Variants in STAG1 observed in about 807,000 individuals in gnomAD.
STAG1 encodes cohesin subunit SA-1.
A neutral mutation model predicts 170.9 loss-of-function variants in STAG1; 26 were observed. The ratio of observed to expected loss-of-function variants is 0.15; its 90% confidence interval spans 0.11 to 0.21. The LOEUF is 0.21. Among genes scored for constraint, STAG1 ranks in the 10% least tolerant of loss-of-function variants. The pLI is 1.00. For synonymous variants in STAG1, 514 were observed against 497.7 expected, an observed-to-expected ratio of 1.03 and a Z score of -0.44; for missense variants, 964 against 1,509.5, an observed-to-expected ratio of 0.64 and a Z score of 5.99.
intron 7 of STAG1, among the ~76,000 whole-genome samples, chr3:136,515,574 C>G (rs761894736): frequency 4.6e-5 from 7 of 152,066 alleles, no homozygotes; most frequent in Non-Finnish European, 7.4e-5. Context: ...TGTCCAAAGT[C>G]ACCAAGTTAA....
At chr3:136,465,826 C>T (rs1230047130) in intron 12 of STAG1, among the ~76,000 whole-genome samples, 1 of 152,102 alleles carries the variant, frequency 6.6e-6, no homozygotes, top group Admixed American at 6.6e-5. Context: ...AATTAACCTA[C>T]TAACTAATGC....
At chr3:136,668,972 A>ATACT (rs1333099305) in intron 1 of STAG1, among the ~76,000 whole-genome samples, 1 of 152,212 alleles carries the variant, frequency 6.6e-6, no homozygotes, top group African/African-American at 2.4e-5. Context: ...ATGATGCCCT[A>ATACT]TACTTCTTCA....
chr3:136,510,323 T>C (rs1933988970), intron 7 of STAG1, among the ~76,000 whole-genome samples: 1 of 152,228 alleles, frequency 6.6e-6, no homozygotes, highest in Non-Finnish European at 1.5e-5. Context: ...GGAGTCTCAT[T>C]CTGTCGCCCA....
chr3:136,437,045 T>C (rs2088481012), intron 15 of STAG1, among the ~76,000 whole-genome samples: 1 of 152,214 alleles, frequency 6.6e-6, no homozygotes, highest in East Asian at 1.9e-4. Context: ...ATTTTTCACA[T>C]TTGGCTGGAG....
intron 1 of STAG1, among the ~76,000 whole-genome samples, chr3:136,727,165 A>T (rs975063241): frequency 8.6e-5 from 11 of 127,794 alleles, no homozygotes; most frequent in Non-Finnish European, 8.8e-5. Context: ...CTCTCATGTA[A>T]GAATAAATAC....
intron 3 of STAG1, among the ~76,000 whole-genome samples, chr3:136,607,465 C>T (rs939128931): frequency 2.6e-5 from 4 of 152,074 alleles, no homozygotes; most frequent in African/African-American, 9.7e-5. Context: ...TGCGGTGGTG[C>T]GATCTTTGCT....
At chr3:136,664,587 C>T (rs1214239852) in intron 1 of STAG1, among the ~76,000 whole-genome samples, 1 of 152,144 alleles carries the variant, frequency 6.6e-6, no homozygotes, top group African/African-American at 2.4e-5. Flanking sequence ...ATTCCCTAAT[C>T]ACTCCCTCCA....
intron 1 of STAG1, among the ~76,000 whole-genome samples, chr3:136,645,157 AAACACTT>A (rs1236216507): frequency 1.3e-5 from 2 of 152,208 alleles, no homozygotes; most frequent in Non-Finnish European, 2.9e-5. Context: ...TTAAGTCCCA[AAACACTT>A]AAGCATATTG....
At chr3:136,507,929 A>G (rs1443458631) in intron 7 of STAG1, among the ~76,000 whole-genome samples, 1 of 152,166 alleles carries the variant, frequency 6.6e-6, no homozygotes, top group Non-Finnish European at 1.5e-5. Flanking sequence ...CTTTCCAAAG[A>G]AAAAAAGATG....
intron 24 of STAG1, among the ~76,000 whole-genome samples, 191 bp downstream of exon 24, chr3:136,368,917 T>C (rs1937185752): frequency 6.6e-6 from 1 of 152,194 alleles, no homozygotes; most frequent in African/African-American, 2.4e-5. Flanking sequence ...CTCGAACTTC[T>C]GGGTTTGGAG....
At chr3:136,732,490 T>G (rs140338531) in intron 1 of STAG1, among the ~76,000 whole-genome samples, 48 of 152,326 alleles carry the variant, frequency 3.2e-4, no homozygotes, top group African/African-American at 1.1e-3. Flanking sequence ...ATGCAGCACT[T>G]TTCTGAAGAA....
chr3:136,555,646 T>C (rs1009274254), intron 5 of STAG1, among the ~76,000 whole-genome samples: 2 of 152,106 alleles, frequency 1.3e-5, no homozygotes, highest in Non-Finnish European at 2.9e-5. Flanking sequence ...TTTGTGGCAC[T>C]GTACTCCAGC....
rs573152970 is a variant in STAG1 at position 136,610,935 on chromosome 3, C to A, written c.133-6462G>T. On this transcript the variant is annotated intron_variant, in intron 3 of 33. Transcript: ENST00000383202. ...TAGTTTTTCATTTTTTAATCATCAT[C>A]ATAGTTTCCTTTTTTCCACATATTA... is the stretch of plus-strand genomic sequence containing the variant. Among the ~76,000 whole-genome samples, 4 of 152,228 alleles carry A rather than the reference C, an allele frequency of 2.6e-5. No homozygotes were observed. The East Asian group carries it at 7.7e-4, about 29-fold the overall frequency.
intron 4 of STAG1, among the ~76,000 whole-genome samples, chr3:136,594,327 A>T (rs1938320717): frequency 6.6e-6 from 1 of 152,182 alleles, no homozygotes; most frequent in Admixed American, 6.5e-5. Context: ...AACCAATGTC[A>T]CTATAAAAGT....
chr3:136,571,862 G>A (rs1288290816), intron 4 of STAG1, among the ~76,000 whole-genome samples: 4 of 151,994 alleles, frequency 2.6e-5, no homozygotes, highest in Admixed American at 1.3e-4. Flanking sequence ...TCTAGCCTGC[G>A]CAACAGAGTG....
At chr3:136,549,663 T>C (rs1936306206) in intron 5 of STAG1, among the ~76,000 whole-genome samples, 1 of 152,036 alleles carries the variant, frequency 6.6e-6, no homozygotes, top group South Asian at 2.1e-4. Flanking sequence ...CTTCCGTTTT[T>C]TTTTTTTTGC....
intron 23 of STAG1, among the ~76,000 whole-genome samples, chr3:136,373,259 C>T (rs187685693): frequency 2.4e-4 from 37 of 152,124 alleles, no homozygotes; most frequent in Admixed American, 6.5e-4. Flanking sequence ...ATTAGTCTTG[C>T]TAGTGGTCTA....
chr3:136,408,856 G>T (rs1362558850), intron 21 of STAG1, among the ~76,000 whole-genome samples: 2 of 152,194 alleles, frequency 1.3e-5, no homozygotes. Flanking sequence ...TTTTTATATA[G>T]TATGATCAAG....
At chr3:136,708,579 T>TA (rs1943292620) in intron 1 of STAG1, among the ~76,000 whole-genome samples, 1 of 152,152 alleles carries the variant, frequency 6.6e-6, no homozygotes, top group African/African-American at 2.4e-5. Context: ...TAAATGACAC[T>TA]AAATGGTATA....
Sources: gnomAD v4.1 joint callset for allele counts (sites outside exome capture counted in the v4.1 genomes callset) on GRCh38, gnomAD v4.1.1 for gene constraint, MANE v1.5 for transcripts, NCBI Gene and HGNC (gene_info 2026-07-23, HGNC 2026-07-21) for gene names.